Variants in GRK7 observed in about 807,000 individuals in gnomAD.
The protein encoded by GRK7 is G protein-coupled receptor kinase 7.
In GRK7, 24 loss-of-function variants were observed where a neutral mutation model predicts 34.1. The ratio of observed to expected loss-of-function variants is 0.70; its 90% confidence interval spans 0.51 to 0.99. The LOEUF (loss-of-function observed/expected upper bound fraction) is 0.99, where lower values mean the gene tolerates loss of function less well. GRK7 is among the 50% of genes least tolerant of loss of function. The pLI, the probability that GRK7 is intolerant of heterozygous loss-of-function variation, is 0.00. For missense variants in GRK7, 644 were observed against 707.3 expected (o/e 0.91, Z 1.02); for synonymous variants, 256 against 279.4 (o/e 0.92, Z 0.84).
chr3:141,789,795 A>G (rs1024597708), intron 4 of GRK7, among the ~76,000 whole-genome samples: 16 of 152,316 alleles, frequency 1.1e-4, no homozygotes, highest in Middle Eastern at 3.4e-3. Context: ...ACTCTTTTCT[A>G]CATATGAGCT....
rs752524519 is a variant in GRK7 at position 141,778,366 on chromosome 3, A to G, written c.82A>G (p.Lys28Glu). ...QARKPSDCDSKELQRRRRSLA... is the reference protein window; with the variant it reads ...QARKPSDCDSEELQRRRRSLA... Reference sequence around the variant, plus strand: ...CCGGAAGCCCTCGGACTGCGACAGCAAAGAGCTGCAGCGGCGGCGGCGTAG... The same window carrying G: ...CCGGAAGCCCTCGGACTGCGACAGCGAAGAGCTGCAGCGGCGGCGGCGTAG... The change falls in exon 3 of 6, where the codon AAA (lysine) becomes GAA (glutamate). Residue 28 changes from lysine (K) to glutamate (E), a missense_variant. Transcript: ENST00000682958. The surrounding 1 kb of genome is among the most constrained non-coding windows in gnomAD (Gnocchi z 4.1). 1.2e-6 allele frequency: 2 copies of G among 1,611,246 alleles called. No individual in the cohort carries two copies. The highest frequency in any genetic ancestry group is 1.7e-6 in the Non-Finnish European group (2 of 1,178,388).
At chr3:141,813,516 G>A (rs890101630) in intron 5 of GRK7, among the ~76,000 whole-genome samples, 1 of 152,204 alleles carries the variant, frequency 6.6e-6, no homozygotes, top group Non-Finnish European at 1.5e-5. Context: ...AGACACTGGG[G>A]CAGTCGGTTC....
chr3:141,817,102 G>C lies in GRK7; in HGVS notation c.*52G>C. On this transcript the variant is annotated 3_prime_UTR_variant, in exon 6 of 6. Coordinates refer to ENST00000682958, the MANE Select transcript of GRK7 (RefSeq NM_139209.3). ...AGGAGTCTCGGCTGACATAATCCTC[G>C]AATGTTCCACACGTGGAAATCTGTG... 2 of 1,365,800 alleles carry C rather than the reference G, an allele frequency of 1.5e-6. No homozygotes were observed. Among genetic ancestry groups the C allele is most frequent in the Non-Finnish European group, 2.0e-6 (2 of 1,000,162 alleles). 84.6% of individuals were successfully genotyped at this position (1,365,800 alleles called of 1,614,324 possible).
rs773146855 is a variant in GRK7, at chr3:141,778,655, C to A, written c.371C>A (p.Pro124His). 3.1e-6 allele frequency: 5 copies of A among 1,613,278 alleles called. No homozygotes were observed. The highest frequency in any genetic ancestry group is 1.3e-5 in the African/African-American group (1 of 74,940). Residue 124 changes from proline (P) to histidine (H), a missense_variant, in exon 3 of 6, where the codon CCC (proline) becomes CAC (histidine). Pro to His is a moderately conservative substitution (Grantham distance 77). Transcript: ENST00000682958. The surrounding 1 kb of genome is among the most constrained non-coding windows in gnomAD (Gnocchi z 4.1). ...GCCCCTGCCCCGGGGAACCCGCAAC[C>A]CTTCCTCAGCCAGGCCGTGGCCACC... ...ASAPAPGNPQ[P>H]FLSQAVATKC...
chr3:141,778,246 C>G lies in GRK7; in HGVS notation c.-39C>G, dbSNP rs1577913406. On this transcript the variant is annotated 5_prime_UTR_variant, in exon 3 of 6. Transcript: ENST00000682958. The surrounding 1 kb of genome is among the most constrained non-coding windows in gnomAD (Gnocchi z 4.1). ...GAAAGCAGCCAGCAGCCCTCCAGCC[C>G]TCTTGTGCTTTCCCTGGGAGTGCGC... 6.6e-7 allele frequency: 1 copy of G among 1,526,004 alleles called. No homozygotes were observed. Among genetic ancestry groups the G allele is most frequent in the African/African-American group, 1.4e-5 (1 of 72,318 alleles). The allele number at this position is 1,526,004 out of a possible 1,614,324, so 94.5% of individuals were successfully genotyped here.
At chr3:141,796,316 G>T (rs1428270342) in intron 4 of GRK7, among the ~76,000 whole-genome samples, 1 of 152,184 alleles carries the variant, frequency 6.6e-6, no homozygotes, top group Non-Finnish European at 1.5e-5. Flanking sequence ...GCTTCTCTGA[G>T]CCTGCTTAAT....
intron 4 of GRK7, among the ~76,000 whole-genome samples, chr3:141,801,798 C>T (rs554334986): frequency 1.7e-3 from 264 of 152,100 alleles, no homozygotes; most frequent in Non-Finnish European, 2.9e-3. Context: ...ACAATATTGG[C>T]CATGTGTGGA....
chr3:141,756,326 A>AG, the GRK7 span, among the ~76,000 whole-genome samples: 6,780 of 134,156 alleles, frequency 0.051, 292 homozygotes, highest in African/African-American at 0.11. Context: ...AGAAAAAAAA[A>AG]GGTGGGGGGG....
In GRK7 at chr3:141,778,681, A is replaced by T; in HGVS notation, c.397A>T (p.Lys133Ter). 1 of 1,613,674 alleles carries T rather than the reference A, an allele frequency of 6.2e-7. No individual in the cohort carries two copies. The highest frequency in any genetic ancestry group is 8.5e-7 in the Non-Finnish European group (1 of 1,179,812). Residue 133 changes from lysine to a stop codon, truncating the protein, a stop_gained, in exon 3 of 6, where the codon AAG becomes TAG. Transcript: ENST00000682958. LOFTEE classifies it high-confidence loss of function. This position sits in a 1 kb window ranked among gnomAD's most constrained non-coding sequence, Gnocchi z 4.1. ...QPFLSQAVATKCQAATTEEER... is the reference protein window; with the variant it reads ...QPFLSQAVAT ...CTTCCTCAGCCAGGCCGTGGCCACC[A>T]AGTGCCAAGCAGCCACCACTGAGGA...
chr3:141,791,627 G>A (rs2084724477), intron 4 of GRK7, among the ~76,000 whole-genome samples: 1 of 152,190 alleles, frequency 6.6e-6, no homozygotes, highest in East Asian at 1.9e-4. Context: ...TCATCCAAAA[G>A]GCATGCCTTT....
rs527259239 is a variant in GRK7, at chr3:141,785,562, G to A, written c.1050+4751G>A. Among the ~76,000 whole-genome samples the A allele has an allele frequency of 5.2e-3, 795 of 152,246 alleles. 2 individuals are homozygous for A. Among genetic ancestry groups the A allele is most frequent in the African/African-American group, 0.018 (759 of 41,532 alleles). On this transcript the variant is annotated intron_variant, in intron 4 of 5. Transcript: ENST00000682958. ...GTGGATCCCCTGAGGTCAGGAGTTCGAGACCAGCCTGGCCAACATGTTGAA... is the reference window on the plus strand; with the variant it reads ...GTGGATCCCCTGAGGTCAGGAGTTCAAGACCAGCCTGGCCAACATGTTGAA...
chr3:141,814,961 G>A (rs556337088), intron 5 of GRK7, among the ~76,000 whole-genome samples: 6 of 131,226 alleles, frequency 4.6e-5, no homozygotes, highest in African/African-American at 1.7e-4. Context: ...GTCTCTCTCT[G>A]TCACCCAGGC....
rs1405193550 is a variant in GRK7, at chr3:141,817,009, G to A, written c.1621G>A (p.Glu541Lys). 1.9e-6 allele frequency: 3 copies of A among 1,611,964 alleles called. No homozygotes were observed. ...NDPNRPTGCE[E>K]GNSSKSGVCL... ...CCCCAACAGACCTACGGGTTGTGAG[G>A]AGGGTAATTCATCCAAGTCTGGCGT... is the stretch of plus-strand genomic sequence containing the variant. Residue 541 changes from glutamate (E) to lysine (K), a missense_variant, in exon 6 of 6, where the codon GAG becomes AAG. Coordinates refer to ENST00000682958, the MANE Select transcript of GRK7 (RefSeq NM_139209.3).
rs1420682938 is a variant in GRK7 at position 141,778,683 on chromosome 3, G to A, written c.399G>A (p.Lys133=). 6.2e-7 allele frequency: 1 copy of A among 1,613,720 alleles called. No individual in the cohort carries two copies. The highest frequency in any genetic ancestry group is 2.2e-5 in the East Asian group (1 of 44,886). Residue 133 remains lysine (K), a synonymous_variant, in exon 3 of 6, where the codon AAG becomes AAA. Coordinates refer to ENST00000682958, the MANE Select transcript of GRK7 (RefSeq NM_139209.3). This position sits in a 1 kb window ranked among gnomAD's most constrained non-coding sequence, Gnocchi z 4.1. ...QPFLSQAVAT[K]CQAATTEEER... is the part of the protein sequence containing the mutation. ...TCCTCAGCCAGGCCGTGGCCACCAA[G>A]TGCCAAGCAGCCACCACTGAGGAAG...
At chr3:141,782,378 C>A (rs2084675962) in intron 4 of GRK7, among the ~76,000 whole-genome samples, 1 of 152,124 alleles carries the variant, frequency 6.6e-6, no homozygotes, top group South Asian at 2.1e-4. Context: ...GGGTCTCTAG[C>A]TCCAGTGGCC....
intron 5 of GRK7, among the ~76,000 whole-genome samples, chr3:141,814,064 T>C (rs911521490): frequency 2.0e-5 from 3 of 152,144 alleles, no homozygotes; most frequent in Non-Finnish European, 4.4e-5. Context: ...TAGTGGGGAA[T>C]CTCTGAAAGG....
intron 1 of GRK7, among the ~76,000 whole-genome samples, chr3:141,767,192 TAGC>T (rs1209431734): frequency 2.6e-5 from 4 of 152,176 alleles, no homozygotes; most frequent in Admixed American, 6.5e-5. Flanking sequence ...CTATCTTAAG[TAGC>T]CTCAAAAGCA....
At chr3:141,814,601 C>A (rs138868236) in intron 5 of GRK7, among the ~76,000 whole-genome samples, 2 of 152,106 alleles carry the variant, frequency 1.3e-5, no homozygotes, top group Non-Finnish European at 2.9e-5. Context: ...GTGTATGTAC[C>A]ACACTTTCTT....
intron 4 of GRK7, among the ~76,000 whole-genome samples, chr3:141,797,008 G>T (rs1710890584): frequency 1.3e-5 from 2 of 152,234 alleles, no homozygotes; most frequent in East Asian, 3.8e-4. Context: ...AGGCTCAGAG[G>T]GGTTGAGTAA....
Sources: gnomAD v4.1 joint callset for allele counts (sites outside exome capture counted in the v4.1 genomes callset) on GRCh38, gnomAD v4.1.1 for gene constraint, Gnocchi (gnomAD v3.1) non-coding constraint, MANE v1.5 for transcripts, NCBI Gene and HGNC (gene_info 2026-07-23, HGNC 2026-07-21) for gene names.